The following GRTP1 variants were observed in gnomAD, a reference collection of about 807,000 sequenced individuals.
GRTP1 encodes growth hormone-regulated TBC protein 1.
GRTP1 carries 56 observed loss-of-function variants against 38.1 expected under a neutral mutation model. The observed-to-expected ratio is 1.47, with a 90% CI of 1.19 to 1.84. GRTP1 has a LOEUF of 1.84. Ranked by LOEUF, GRTP1 falls within the 40% of genes most tolerant of loss-of-function variation. GRTP1 has a pLI of 0.00. For synonymous variants in GRTP1, 217 were observed against 189.5 expected, an observed-to-expected ratio of 1.14 and a Z score of -1.19; for missense variants, 506 against 453.9, an observed-to-expected ratio of 1.11 and a Z score of -1.04.
chr13:113,350,425 A>ACATCCCACAGCGCACG (rs1566435459), intron 4 of GRTP1, among the ~76,000 whole-genome samples: 3 of 131,418 alleles, frequency 2.3e-5, no homozygotes, highest in Non-Finnish European at 4.8e-5. Context: ...CATAGCACAC[A>ACATCCCACAGCGCACG]CATCCCACAG....
intron 5 of GRTP1, among the ~76,000 whole-genome samples, chr13:113,338,581 G>A (rs1186894887): frequency 6.6e-6 from 1 of 152,174 alleles, no homozygotes; most frequent in African/African-American, 2.4e-5. Context: ...GACTGTGTAT[G>A]AGCTACTTAA....
rs1226357228 is a variant in GRTP1 at position 113,349,702 on chromosome 13, G to A, written c.465+1147C>T. Among the ~76,000 whole-genome samples, 2 of 152,180 alleles carry A rather than the reference G, an allele frequency of 1.3e-5. No homozygotes were observed. Among genetic ancestry groups the A allele is most frequent in the African/African-American group, 2.4e-5 (1 of 41,452 alleles). Reference sequence around the variant, plus strand: ...TGGCCTTTCACAGGGCGCTCCTCACGCAACGTCCACCCTTTCTCCTCGGGA... The same window carrying A: ...TGGCCTTTCACAGGGCGCTCCTCACACAACGTCCACCCTTTCTCCTCGGGA... On this transcript the variant is annotated intron_variant, in intron 4 of 7. Transcript: ENST00000375431. This position sits in a 1 kb window ranked among gnomAD's most constrained non-coding sequence, Gnocchi z 5.0.
At chr13:113,360,837 A>G (rs4907620) in intron 2 of GRTP1, among the ~76,000 whole-genome samples, 150,369 of 152,336 alleles carry the variant, frequency 0.99, 74,234 homozygotes, top group Middle Eastern at 1. Flanking sequence ...TTAGCCCAGC[A>G]TGGTGGCTCA....
chr13:113,353,746 A>C (rs937163370), intron 3 of GRTP1, among the ~76,000 whole-genome samples: 1 of 152,124 alleles, frequency 6.6e-6, no homozygotes, highest in African/African-American at 2.4e-5. Flanking sequence ...GAAATGGTAA[A>C]TTTTATATTA....
intron 4 of GRTP1, among the ~76,000 whole-genome samples, chr13:113,345,517 G>A (rs2043089279): frequency 6.6e-6 from 1 of 152,260 alleles, no homozygotes; most frequent in Admixed American, 6.5e-5. Context: ...TCGCAGCCGT[G>A]AGTCAGCGCC....
intron 5 of GRTP1, among the ~76,000 whole-genome samples, chr13:113,338,569 C>T (rs912235185): frequency 7.2e-5 from 11 of 152,102 alleles, no homozygotes; most frequent in Admixed American, 4.6e-4. Context: ...GCCTTGCTGG[C>T]GGACTGTGTA....
Position 113,355,406 on chromosome 13 carries a change from G to T in GRTP1, c.257C>A (p.Ala86Glu), listed in dbSNP as rs1221641661. 1 of 1,613,962 alleles carries T rather than the reference G, an allele frequency of 6.2e-7. No homozygotes were observed. Among genetic ancestry groups the T allele is most frequent in the Admixed American group, 1.7e-5 (1 of 59,992 alleles). Residue 86 changes from alanine (A) to glutamate (E), a missense_variant, in exon 3 of 8, where the codon GCG (alanine) becomes GAG (glutamate). Coordinates refer to ENST00000375431, the MANE Select transcript of GRTP1 (RefSeq NM_024719.4). ...RVWMVLSGAQAQMDQNPGYYH... is the reference protein window; with the variant it reads ...RVWMVLSGAQEQMDQNPGYYH... Reference sequence around the variant, plus strand: ...GTAGCCGGGATTCTGGTCCATCTGCGCCTGGGCCCCACTCAGCACCATCCA... The same window carrying T: ...GTAGCCGGGATTCTGGTCCATCTGCTCCTGGGCCCCACTCAGCACCATCCA...
At chr13:113,330,554 A>G (rs71446950) in intron 5 of GRTP1, among the ~76,000 whole-genome samples, 11 of 134,288 alleles carry the variant, frequency 8.2e-5, no homozygotes, top group Admixed American at 3.6e-4. Flanking sequence ...ATGGGAGCCC[A>G]GGTGTGTGCA....
intron 3 of GRTP1, among the ~76,000 whole-genome samples, chr13:113,355,013 G>A (rs911864243): frequency 6.6e-6 from 1 of 152,220 alleles, no homozygotes; most frequent in Non-Finnish European, 1.5e-5. Context: ...AACAGTGCCC[G>A]GTGCGAAGCG....
chr13:113,344,743 T>TAACCAC, intron 5 of GRTP1, 120 bp downstream of exon 5: 1 of 667,558 alleles, frequency 1.5e-6, no homozygotes, highest in Non-Finnish European at 2.3e-6. Context: ...AAACGGTTTG[T>TAACCAC]AACCTCATCT....
At chr13:113,328,065 G>A (rs898978844) in intron 5 of GRTP1, among the ~76,000 whole-genome samples, 2 of 152,200 alleles carry the variant, frequency 1.3e-5, no homozygotes, top group Non-Finnish European at 2.9e-5. Context: ...GGCCCAGCCG[G>A]CGCAGCGGCT....
In GRTP1 at chr13:113,325,991, ACGCTCCAT is replaced by A. The variant is rs1480339336; in HGVS notation, c.655_662del (p.Met219SerfsTer35). ...CCAGCAGCGTCCACAGCACACCGAG[ACGCTCCAT>A]CAGGGCCCCCACAGCCGGCAGCTTC... On this transcript the variant is annotated frameshift_variant, in exon 6 of 8. Transcript: ENST00000375431. LOFTEE classifies it high-confidence loss of function. 6.2e-7 allele frequency: 1 copy of A among 1,613,806 alleles called. No homozygotes were observed. Among genetic ancestry groups the A allele is most frequent in the South Asian group, 1.1e-5 (1 of 91,066 alleles).
At chr13:113,359,674 G>C (rs987298894) in intron 2 of GRTP1, 2 of 152,208 alleles carry the variant, frequency 1.3e-5, no homozygotes, top group African/African-American at 2.4e-5. Context: ...TGACTTGCAG[G>C]CTCCAGACCC....
intron 5 of GRTP1, among the ~76,000 whole-genome samples, chr13:113,331,339 T>A (rs2042868449): frequency 6.6e-6 from 1 of 152,162 alleles, no homozygotes; most frequent in Admixed American, 6.5e-5. Flanking sequence ...CAGGGGCGGC[T>A]GCTACCAGGA....
At chr13:113,340,014 T>C (rs1433359720) in intron 5 of GRTP1, 1 of 152,064 alleles carries the variant, frequency 6.6e-6, no homozygotes, top group Non-Finnish European at 1.5e-5. Flanking sequence ...GATTGATTAA[T>C]TAATCAGTTA....
At chr13:113,363,268 C>A (rs7337538) in intron 2 of GRTP1, among the ~76,000 whole-genome samples, 33 of 152,316 alleles carry the variant, frequency 2.2e-4, no homozygotes, top group African/African-American at 7.7e-4. Context: ...AGTGCAATGG[C>A]GCAATCTCGG....
Position 113,342,461 on chromosome 13 carries a change from T to A in GRTP1, c.562+2402A>T, listed in dbSNP as rs959801961. ...AGGCGGAGCTTGCAGTGAGCCATTG[T>A]GCCACTGCACTCCAGCCTGGGCGAC... On this transcript the variant is annotated intron_variant, in intron 5 of 7. Transcript: ENST00000375431. The surrounding 1 kb of genome is among the most constrained non-coding windows in gnomAD (Gnocchi z 4.5). Among the ~76,000 whole-genome samples the A allele has an allele frequency of 6.6e-6, 1 of 151,910 alleles. No individual in the cohort carries two copies. The highest frequency in any genetic ancestry group is 1.5e-5 in the Non-Finnish European group (1 of 67,990).
At chr13:113,327,565 G>A (rs2042793054) in intron 5 of GRTP1, among the ~76,000 whole-genome samples, 1 of 152,218 alleles carries the variant, frequency 6.6e-6, no homozygotes, top group African/African-American at 2.4e-5. Flanking sequence ...TTTTCAGAGT[G>A]AGCACACAGT....
intron 7 of GRTP1, 47 bp downstream of exon 7, chr13:113,325,614 G>C (rs776623290): frequency 6.2e-7 from 1 of 1,613,668 alleles, no homozygotes; most frequent in East Asian, 2.2e-5. Flanking sequence ...CTGCAGGTGA[G>C]GCGGGGCCCC....
Sources: gnomAD v4.1 joint callset for allele counts (sites outside exome capture counted in the v4.1 genomes callset) on GRCh38, gnomAD v4.1.1 for gene constraint, Gnocchi (gnomAD v3.1) non-coding constraint, MANE v1.5 for transcripts, NCBI Gene and HGNC (gene_info 2026-07-23, HGNC 2026-07-21) for gene names.